Variants in EPB41L5 observed in about 807,000 individuals in gnomAD.
The protein encoded by EPB41L5 is band 4.1-like protein 5.
Under a neutral mutation model 106.6 loss-of-function variants are expected in EPB41L5, and 55 were observed. The observed-to-expected ratio is 0.52, with a 90% CI of 0.42 to 0.65. The LOEUF (loss-of-function observed/expected upper bound fraction) is 0.65, where lower values mean the gene tolerates loss of function less well. EPB41L5 is among the 30% of genes least tolerant of loss of function. EPB41L5 has a pLI of 0.00. For missense variants in EPB41L5, 871 were observed against 882.1 expected, an observed-to-expected ratio of 0.99 and a Z score of 0.16; for synonymous variants, 297 against 306.7, an observed-to-expected ratio of 0.97 and a Z score of 0.33.
intron 24 of EPB41L5, among the ~76,000 whole-genome samples, chr2:120,168,409 G>A (rs1404939942): frequency 2.0e-5 from 3 of 152,194 alleles, no homozygotes; most frequent in Non-Finnish European, 2.9e-5. Flanking sequence ...CCTAGGGTGA[G>A]AGCCCTGAGA....
intron 3 of EPB41L5, among the ~76,000 whole-genome samples, chr2:120,042,995 A>ATTGTG (rs1491151741): frequency 1.4e-5 from 1 of 70,030 alleles, no homozygotes; most frequent in African/African-American, 3.6e-5. Context: ...TTTTCTGGAA[A>ATTGTG]TGTGTGTGTG....
At chr2:120,127,560 T>G in intron 16 of EPB41L5, 128 bp from the exon 17 acceptor site, 1 of 685,314 alleles carries the variant, frequency 1.5e-6, no homozygotes, top group South Asian at 2.9e-5. Flanking sequence ...TTATTTTTGT[T>G]TTATTTTTGA....
chr2:120,101,938 TAAAAGTG>T (rs1287262281), intron 16 of EPB41L5, among the ~76,000 whole-genome samples: 1 of 152,190 alleles, frequency 6.6e-6, no homozygotes, highest in East Asian at 1.9e-4. Context: ...GGGACACACT[TAAAAGTG>T]TAAAGAGTGA....
At chr2:120,076,091 T>G (rs1682212344) in intron 7 of EPB41L5, among the ~76,000 whole-genome samples, 2 of 152,230 alleles carry the variant, frequency 1.3e-5, no homozygotes, top group South Asian at 4.1e-4. Context: ...AGCTTAGCAG[T>G]CCTTTTGCTC....
At chr2:120,106,557 T>G in intron 16 of EPB41L5, 3 of 985,426 alleles carry the variant, frequency 3.0e-6, no homozygotes, top group Non-Finnish European at 3.6e-6. Flanking sequence ...CCTTACTGGG[T>G]CACCATCCTT....
At chr2:120,036,263 A>G (rs1022412368) in intron 2 of EPB41L5, among the ~76,000 whole-genome samples, 7 of 152,186 alleles carry the variant, frequency 4.6e-5, no homozygotes, top group African/African-American at 1.7e-4. Flanking sequence ...CTCCTTCCCA[A>G]TGCTACTTTC....
chr2:120,038,117 G>T (rs931528224), intron 2 of EPB41L5, among the ~76,000 whole-genome samples: 2 of 152,114 alleles, frequency 1.3e-5, no homozygotes, highest in Non-Finnish European at 2.9e-5. Flanking sequence ...AAATGTTTGC[G>T]AACCAGATAT....
chr2:120,104,419 G>A lies in EPB41L5; in HGVS notation c.1337+3605G>A, dbSNP rs142208789. ...ATGAAAGGGACAAGGAATCAAGGAAGCCATATAGCATCAATGATAATGACA... is the reference window on the plus strand; with the variant it reads ...ATGAAAGGGACAAGGAATCAAGGAAACCATATAGCATCAATGATAATGACA... On this transcript the variant is annotated intron_variant, in intron 16 of 24. Transcript: ENST00000263713. 73 of 1,373,930 alleles carry A rather than the reference G, an allele frequency of 5.3e-5. No homozygotes were observed. The East Asian group carries it at 1.1e-3, about 20-fold the overall frequency. The allele number at this position is 1,373,930 out of a possible 1,614,324, so 85.1% of individuals were successfully genotyped here. A position where few individuals can be genotyped will look rare whatever the true frequency, so the allele number is the denominator to read the frequency against.
At chr2:120,103,619 TCA>T (rs1684275092) in intron 16 of EPB41L5, among the ~76,000 whole-genome samples, 1 of 152,218 alleles carries the variant, frequency 6.6e-6, no homozygotes, top group Non-Finnish European at 1.5e-5. Context: ...GGAAGAATTT[TCA>T]CAGTTTTCCT....
At chr2:120,167,612 T>A in intron 23 of EPB41L5, 105 bp downstream of exon 23, 1 of 1,264,006 alleles carries the variant, frequency 7.9e-7, no homozygotes, top group Non-Finnish European at 1.1e-6. Flanking sequence ...AGGGTTGTTA[T>A]CAAAGCCTTG....
At chr2:120,107,735 A>C (rs887246265) in intron 16 of EPB41L5, among the ~76,000 whole-genome samples, 1 of 152,152 alleles carries the variant, frequency 6.6e-6, no homozygotes, top group Non-Finnish European at 1.5e-5. Context: ...CTGTTCATAC[A>C]ATTTTTTACT....
At chr2:120,032,793 A>G (rs1037890375) in intron 2 of EPB41L5, among the ~76,000 whole-genome samples, 1 of 152,230 alleles carries the variant, frequency 6.6e-6, no homozygotes, top group African/African-American at 2.4e-5. Flanking sequence ...GCATTTTGTT[A>G]TACTGTAAGA....
chr2:120,089,638 T>A (rs1212667160), intron 11 of EPB41L5, among the ~76,000 whole-genome samples: 1 of 152,102 alleles, frequency 6.6e-6, no homozygotes, highest in Non-Finnish European at 1.5e-5. Flanking sequence ...TTTTGGACGT[T>A]TAGGGTTTGT....
At chr2:120,105,844 T>TAATA in intron 16 of EPB41L5, 1 of 985,340 alleles carries the variant, frequency 1.0e-6, no homozygotes. Flanking sequence ...GAATTTGGAT[T>TAATA]ATAACATTTT....
intron 16 of EPB41L5, among the ~76,000 whole-genome samples, chr2:120,110,010 G>C (rs1315552053): frequency 6.6e-6 from 1 of 152,164 alleles, no homozygotes; most frequent in Non-Finnish European, 1.5e-5. Context: ...TAGTGTATTT[G>C]ACAATTTTGC....
At chr2:120,049,385 C>T (rs180926501) in intron 3 of EPB41L5, among the ~76,000 whole-genome samples, 1 of 152,294 alleles carries the variant, frequency 6.6e-6, no homozygotes, top group African/African-American at 2.4e-5. Flanking sequence ...GTTAGCTCTT[C>T]TTGTTGAATT....
chr2:120,159,859 G>A (rs1378135632), intron 20 of EPB41L5, among the ~76,000 whole-genome samples: 2 of 152,116 alleles, frequency 1.3e-5, no homozygotes, highest in Non-Finnish European at 2.9e-5. Flanking sequence ...AATGTGGTAT[G>A]TACACACCTT....
chr2:120,015,526 C>T (rs2441344), intron 1 of EPB41L5, among the ~76,000 whole-genome samples: 151,941 of 152,284 alleles, frequency 1, 75,801 homozygotes, highest in Middle Eastern at 1. Flanking sequence ...GTCTGTTTAG[C>T]GTGTCTGTGT....
chr2:120,120,906 A>G (rs2105447859), intron 16 of EPB41L5, among the ~76,000 whole-genome samples: 1 of 152,330 alleles, frequency 6.6e-6, no homozygotes, highest in Admixed American at 6.5e-5. Flanking sequence ...ACCTGAAGTC[A>G]GGAGCTCGAG....
Sources: allele counts gnomAD v4.1 joint callset (sites outside exome capture counted in the v4.1 genomes callset), GRCh38; gene constraint gnomAD v4.1.1; transcripts MANE v1.5; gene names NCBI Gene and HGNC (gene_info 2026-07-23, HGNC 2026-07-21).